The following PLCH1 variants were observed in gnomAD, a reference collection of about 807,000 sequenced individuals.
The protein encoded by PLCH1 is phospholipase C eta 1.
In PLCH1, 60 loss-of-function variants were observed where a neutral mutation model predicts 126.7. The ratio of observed to expected loss-of-function variants is 0.47; its 90% CI spans 0.38 to 0.59. The LOEUF (loss-of-function observed/expected upper bound fraction) is 0.59. Among genes scored for constraint, PLCH1 ranks in the 20% least tolerant of loss-of-function variants. PLCH1 has a pLI of 0.00. For synonymous variants in PLCH1, 719 were observed against 734.9 expected, an observed-to-expected ratio of 0.98 and a Z score of 0.35; for missense variants, 1,723 against 2,040.0, an observed-to-expected ratio of 0.84 and a Z score of 2.99.
intron 2 of PLCH1, among the ~76,000 whole-genome samples, chr3:155,682,184 C>A (rs1192182442): frequency 6.6e-6 from 1 of 152,202 alleles, no homozygotes; most frequent in Admixed American, 6.5e-5. Context: ...ACTCAACTCA[C>A]TAAAGATGTA....
At chr3:155,592,008 G>A (rs1732244450) in intron 4 of PLCH1, among the ~76,000 whole-genome samples, 1 of 151,938 alleles carries the variant, frequency 6.6e-6, no homozygotes, top group African/African-American at 2.4e-5. Context: ...CCCAGCCTAA[G>A]TCTTCAGTTT....
intron 10 of PLCH1, among the ~76,000 whole-genome samples, chr3:155,529,366 G>A (rs1277824968): frequency 6.8e-6 from 1 of 146,694 alleles, no homozygotes; most frequent in Non-Finnish European, 1.5e-5. Context: ...TCAGCAAAAA[G>A]AGTCTATCGA....
intron 1 of PLCH1, among the ~76,000 whole-genome samples, chr3:155,724,816 TG>T (rs1190727540): frequency 1.5e-4 from 12 of 81,094 alleles, no homozygotes; most frequent in African/African-American, 7.0e-4. Flanking sequence ...GGGGGTTTTG[TG>T]TGTGTGTGTG....
chr3:155,637,378 C>G (rs1452982556), intron 2 of PLCH1, among the ~76,000 whole-genome samples: 1 of 152,198 alleles, frequency 6.6e-6, no homozygotes, highest in African/African-American at 2.4e-5. Flanking sequence ...TTCTATATGA[C>G]TTTGGCCAGG....
chr3:155,647,091 C>CT (rs1348734630), intron 2 of PLCH1, among the ~76,000 whole-genome samples: 1 of 152,106 alleles, frequency 6.6e-6, no homozygotes, highest in Non-Finnish European at 1.5e-5. Context: ...CACCACCTTC[C>CT]TTTTTGATTT....
At chr3:155,492,962 A>G (rs1716474970) in intron 17 of PLCH1, 109 bp from the exon 18 acceptor site, 2 of 929,616 alleles carry the variant, frequency 2.2e-6, no homozygotes, top group South Asian at 2.5e-5. Flanking sequence ...GCTGAATTAC[A>G]TGATCACATA....
At chr3:155,529,249 C>T (rs2108321883) in intron 10 of PLCH1, among the ~76,000 whole-genome samples, 1 of 152,326 alleles carries the variant, frequency 6.6e-6, no homozygotes, top group East Asian at 1.9e-4. Flanking sequence ...AGCATGGTCA[C>T]TTCTCAGCTT....
At chr3:155,537,993 C>T (rs113622691) in intron 10 of PLCH1, among the ~76,000 whole-genome samples, 2 of 152,090 alleles carry the variant, frequency 1.3e-5, no homozygotes, top group African/African-American at 4.8e-5. Flanking sequence ...GACCATATGA[C>T]AGGCCACAAA....
intron 9 of PLCH1, 45 bp from the exon 10 acceptor site, chr3:155,550,003 C>T (rs746970085): frequency 1.7e-5 from 24 of 1,425,766 alleles, no homozygotes; most frequent in Non-Finnish European, 2.1e-5. Flanking sequence ...GTGCAGGCAA[C>T]TCACAGGGAC....
In PLCH1 at chr3:155,610,364, G is replaced by GAAA. The variant is rs569174791; in HGVS notation, c.80-13989_80-13987dup. Among the ~76,000 whole-genome samples, 321 of 38,968 alleles carry GAAA rather than the reference G, an allele frequency of 8.2e-3. 27 individuals are homozygous for GAAA. Among genetic ancestry groups the GAAA allele is most frequent in the African/African-American group, 0.019 (142 of 7,414 alleles). 25.6% of individuals were successfully genotyped at this position (38,968 alleles called of 152,430 possible). A position where few individuals can be genotyped will look rare whatever the true frequency, so the allele number is the denominator to read the frequency against. On this transcript the variant is annotated intron_variant, in intron 2 of 22. Coordinates refer to ENST00000460012, the MANE Select transcript of PLCH1 (RefSeq NM_014996.4). ...CAACAAGAGCAAAACTGCGTCTGGA[G>GAAA]AAAAAAAAAAAAAAAAAAAAAAAAA... is the stretch of plus-strand genomic sequence containing the variant.
chr3:155,498,612 C>T (rs1717420409), intron 14 of PLCH1, among the ~76,000 whole-genome samples: 1 of 152,108 alleles, frequency 6.6e-6, no homozygotes, highest in Non-Finnish European at 1.5e-5. Flanking sequence ...TAGTGGGTAG[C>T]GGGCCACAAG....
chr3:155,653,184 TATAGATATATAG>T (rs1393525055), intron 2 of PLCH1, among the ~76,000 whole-genome samples: 1 of 135,014 alleles, frequency 7.4e-6, no homozygotes, highest in Non-Finnish European at 1.6e-5. Context: ...TAGATATAGA[TATAGATATATAG>T]ATATAGATGA....
chr3:155,567,129 G>A (rs139667353), intron 7 of PLCH1, among the ~76,000 whole-genome samples: 1 of 152,198 alleles, frequency 6.6e-6, no homozygotes, highest in Non-Finnish European at 1.5e-5. Context: ...TTGAAATGCA[G>A]TGGCACGGTC....
rs561142996 is a variant in PLCH1 at position 155,454,802 on chromosome 3, G to T, written c.2938+30554C>A. On this transcript the variant is annotated intron_variant, in intron 21 of 21. Transcript: ENST00000494598. ...TATGTCTTCCTGGACTACATGACTT[G>T]TAGTTTTCCTCTGCTATACCTACAA... Among the ~76,000 whole-genome samples, 8 of 152,308 alleles carry T rather than the reference G, an allele frequency of 5.3e-5. No individual in the cohort carries two copies. In the East Asian group the frequency reaches 1.5e-3, roughly 29 times the overall value.
chr3:155,599,965 C>G (rs1733506472), intron 2 of PLCH1, among the ~76,000 whole-genome samples: 1 of 152,092 alleles, frequency 6.6e-6, no homozygotes, highest in Non-Finnish European at 1.5e-5. Context: ...AATATGATTT[C>G]TATGAGACCC....
intron 1 of PLCH1, among the ~76,000 whole-genome samples, chr3:155,711,811 C>T (rs2109106571): frequency 6.6e-6 from 1 of 152,172 alleles, no homozygotes; most frequent in Non-Finnish European, 1.5e-5. Flanking sequence ...TCTGTTTGAA[C>T]TCTTGGGGGA....
chr3:155,606,940 C>A (rs943919454), intron 2 of PLCH1, among the ~76,000 whole-genome samples: 5 of 152,198 alleles, frequency 3.3e-5, no homozygotes, highest in African/African-American at 4.8e-5. Flanking sequence ...CTTCCTCACC[C>A]TGTTCCTTAA....
chr3:155,660,904 G>A (rs1055247964), intron 2 of PLCH1, among the ~76,000 whole-genome samples: 1 of 152,084 alleles, frequency 6.6e-6, no homozygotes, highest in African/African-American at 2.4e-5. Context: ...AATAACAAAG[G>A]TCTGATATAC....
chr3:155,691,869 G>A (rs888934053), intron 2 of PLCH1, among the ~76,000 whole-genome samples: 1 of 151,990 alleles, frequency 6.6e-6, no homozygotes, highest in African/African-American at 2.4e-5. Flanking sequence ...TGTTGTTAAG[G>A]ACCTTCCCAA....
Sources: gnomAD v4.1 joint callset for allele counts (sites outside exome capture counted in the v4.1 genomes callset) on GRCh38, gnomAD v4.1.1 for gene constraint, MANE v1.5 for transcripts, NCBI Gene and HGNC (gene_info 2026-07-23, HGNC 2026-07-21) for gene names.